The following ANKFN1 variants were observed in gnomAD, a reference collection of about 807,000 sequenced individuals.
ANKFN1 encodes the protein ankyrin repeat and fibronectin type-III domain-containing protein 1.
In ANKFN1, 74 loss-of-function variants were observed where a neutral mutation model predicts 108.7. That is an observed-to-expected ratio of 0.68 (90% CI 0.56 to 0.83). ANKFN1 has a LOEUF of 0.83. Among genes scored for constraint, ANKFN1 ranks in the 40% least tolerant of loss-of-function variants. The pLI, the probability that ANKFN1 is intolerant of heterozygous loss-of-function variation, is 0.00. For synonymous variants in ANKFN1, 547 were observed against 516.2 expected, an observed-to-expected ratio of 1.06 and a Z score of -0.81; for missense variants, 1,505 against 1,382.3, an observed-to-expected ratio of 1.09 and a Z score of -1.41.
intron 3 of ANKFN1, among the ~76,000 whole-genome samples, chr17:56,249,331 G>A (rs1313630974): frequency 6.6e-6 from 1 of 152,006 alleles, no homozygotes; most frequent in African/African-American, 2.4e-5. Flanking sequence ...ATACTTGGGA[G>A]GCTGAAGCAG....
intron 15 of ANKFN1, among the ~76,000 whole-genome samples, chr17:56,470,506 G>A (rs1265157311): frequency 4.6e-5 from 7 of 152,028 alleles, no homozygotes; most frequent in African/African-American, 1.7e-4. Context: ...AAAATTTTAA[G>A]CAATGCTAGG....
intron 19 of ANKFN1, among the ~76,000 whole-genome samples, chr17:56,493,419 C>T (rs770992082): frequency 1.3e-5 from 2 of 151,796 alleles, no homozygotes; most frequent in Non-Finnish European, 2.9e-5. Flanking sequence ...GTAGAGCATT[C>T]AAAGAGAAAG....
Position 56,492,373 on chromosome 17 carries a change from G to C in ANKFN1, c.2427+20G>C, listed in dbSNP as rs897961561. 1.4e-6 allele frequency: 1 copy of C among 696,970 alleles called. No homozygotes were observed. 43.2% of individuals were successfully genotyped at this position (696,970 alleles called of 1,614,324 possible). A position where few individuals can be genotyped will look rare whatever the true frequency, so the allele number is the denominator to read the frequency against. ...ATTCAGGTAATTGTTTGTTCCTTCT[G>C]GGGTAAAAGGAAGGGAGAAGAGGCA... On this transcript the variant is annotated intron_variant, in intron 19 of 20. Coordinates refer to ENST00000682825, the MANE Select transcript of ANKFN1 (RefSeq NM_001370326.1).
chr17:56,469,689 T>C (rs549763407), intron 15 of ANKFN1, among the ~76,000 whole-genome samples: 1 of 152,320 alleles, frequency 6.6e-6, no homozygotes, highest in South Asian at 2.1e-4. Context: ...CTAATGAAGA[T>C]AGGTGAGTTA....
chr17:56,108,333 C>T (rs1442439726), intron 4 of ANKFN1, among the ~76,000 whole-genome samples: 5 of 151,774 alleles, frequency 3.3e-5, no homozygotes, highest in East Asian at 1.9e-4. Context: ...GGCGCCTGGC[C>T]TCCCATAGCA....
At chr17:56,376,124 C>G (rs2046941598) in intron 8 of ANKFN1, among the ~76,000 whole-genome samples, 1 of 152,194 alleles carries the variant, frequency 6.6e-6, no homozygotes, top group Admixed American at 6.5e-5. Flanking sequence ...GTCACTATGG[C>G]TCTCTCTGCC....
chr17:56,353,722 C>G lies in ANKFN1; in HGVS notation c.391-114C>G, dbSNP rs903084968. 4 of 855,594 alleles carry G rather than the reference C, an allele frequency of 4.7e-6. No individual in the cohort carries two copies. The South Asian group carries it at 4.7e-5, about 10-fold the overall frequency. 53.0% of individuals were successfully genotyped at this position (855,594 alleles called of 1,614,324 possible). A position where few individuals can be genotyped will look rare whatever the true frequency, so the allele number is the denominator to read the frequency against. On this transcript the variant is annotated intron_variant, in intron 5 of 20. Coordinates refer to ENST00000682825, the MANE Select transcript of ANKFN1 (RefSeq NM_001370326.1). ...GACCTTGGGATAAATTGTAGTTATT[C>G]CACTTATAAGTGGACATGCAGTCCC...
chr17:56,229,570 A>G (rs1236068556), intron 3 of ANKFN1, among the ~76,000 whole-genome samples: 1 of 149,100 alleles, frequency 6.7e-6, no homozygotes. Context: ...CCGCATTTTA[A>G]GTCACTATAT....
chr17:56,281,918 T>C (rs1225919820), intron 3 of ANKFN1, among the ~76,000 whole-genome samples: 1 of 152,188 alleles, frequency 6.6e-6, no homozygotes, highest in African/African-American at 2.4e-5. Flanking sequence ...ATTGGAAAAC[T>C]ATTTGGTAAT....
chr17:56,328,170 A>G (rs2045572669), intron 4 of ANKFN1, among the ~76,000 whole-genome samples: 1 of 152,232 alleles, frequency 6.6e-6, no homozygotes, highest in African/African-American at 2.4e-5. Flanking sequence ...TTTGAAACAA[A>G]CATGGAAGTA....
chr17:56,330,997 C>T (rs2144563728), intron 4 of ANKFN1, among the ~76,000 whole-genome samples: 1 of 152,170 alleles, frequency 6.6e-6, no homozygotes, highest in South Asian at 2.1e-4. Context: ...ATAGGATTGG[C>T]CACCCTTTAG....
chr17:56,331,260 T>C (rs2045654265), intron 4 of ANKFN1, among the ~76,000 whole-genome samples: 1 of 152,152 alleles, frequency 6.6e-6, no homozygotes, highest in African/African-American at 2.4e-5. Flanking sequence ...ATAAGTTCTA[T>C]ACATGGATTA....
intron 6 of ANKFN1, among the ~76,000 whole-genome samples, chr17:56,371,796 C>A (rs979756447): frequency 1.3e-5 from 2 of 152,154 alleles, no homozygotes; most frequent in East Asian, 1.9e-4. Context: ...GACATACATT[C>A]CTTCCCATTC....
In ANKFN1 at chr17:56,511,487, T is replaced by A; in HGVS notation, c.*218T>A. 1 of 567,878 alleles carries A rather than the reference T, an allele frequency of 1.8e-6. No individual in the cohort carries two copies. 35.2% of individuals were successfully genotyped at this position (567,878 alleles called of 1,614,324 possible). On this transcript the variant is annotated 3_prime_UTR_variant, in exon 21 of 21. Transcript: ENST00000682825. The stretch of plus-strand genomic sequence containing the variant: ...TTCCCACTTCAGCCTAGAAAGGGCA[T>A]GGGGGAGTTGTGTCAACATGGAATA...
intron 18 of ANKFN1, among the ~76,000 whole-genome samples, chr17:56,490,972 G>A (rs1266763387): frequency 6.6e-6 from 1 of 152,132 alleles, no homozygotes; most frequent in African/African-American, 2.4e-5. Flanking sequence ...GTGGTAACAT[G>A]GGAATTGTAG....
At chr17:56,198,837 C>G (rs964390498) in intron 1 of ANKFN1, among the ~76,000 whole-genome samples, 1 of 152,164 alleles carries the variant, frequency 6.6e-6, no homozygotes, top group Admixed American at 6.5e-5. Context: ...CCTATTCCTT[C>G]CCAAACACAA....
At chr17:56,482,566 C>T in intron 18 of ANKFN1, 42 bp downstream of exon 18, 1 of 1,591,758 alleles carries the variant, frequency 6.3e-7, no homozygotes, top group Non-Finnish European at 8.6e-7. Flanking sequence ...ACCCAGCCTC[C>T]TTATAATAAA....
At chr17:56,444,756 C>T (rs2049227610) in intron 10 of ANKFN1, among the ~76,000 whole-genome samples, 2 of 152,086 alleles carry the variant, frequency 1.3e-5, no homozygotes, top group African/African-American at 4.8e-5. Context: ...TATACAGAGC[C>T]CAGCATTTGA....
intron 18 of ANKFN1, among the ~76,000 whole-genome samples, chr17:56,483,520 C>G (rs1334908824): frequency 6.6e-6 from 1 of 152,216 alleles, no homozygotes; most frequent in Non-Finnish European, 1.5e-5. Context: ...GGTCCAAGCA[C>G]TTCAGATGCC....
Sources: gnomAD v4.1 joint callset for allele counts (sites outside exome capture counted in the v4.1 genomes callset) on GRCh38, gnomAD v4.1.1 for gene constraint, MANE v1.5 for transcripts, NCBI Gene and HGNC (gene_info 2026-07-23, HGNC 2026-07-21) for gene names.